The following TUBA3C variants were observed in gnomAD, a reference collection of about 807,000 sequenced individuals.
The protein encoded by TUBA3C is tubulin alpha 3c.
In TUBA3C, 23 loss-of-function variants were observed where a neutral mutation model predicts 33.4. The observed-to-expected ratio is 0.69, with a 90% CI of 0.50 to 0.98. The LOEUF is 0.98. TUBA3C is among the 50% of genes least tolerant of loss of function. The probability of loss-of-function intolerance (pLI) is 0.00; values close to 1 mark genes in which losing one functional copy is unlikely to be tolerated. For synonymous variants in TUBA3C, 269 were observed against 250.4 expected (o/e 1.07, Z -0.70); for missense variants, 402 against 616.0 (o/e 0.65, Z 3.68).
intron 4 of TUBA3C, among the ~76,000 whole-genome samples, chr13:19,174,876 T>C (rs1869125714): frequency 6.8e-6 from 1 of 147,828 alleles, no homozygotes; most frequent in Non-Finnish European, 1.5e-5. Context: ...GTGGGAGGAT[T>C]GCTTGAGCCT....
In TUBA3C at chr13:19,181,608, TG is replaced by T. The variant is rs1371185795; in HGVS notation, c.3+136del. On this transcript the variant is annotated intron_variant, in intron 1 of 4. Coordinates refer to ENST00000400113, the MANE Select transcript of TUBA3C (RefSeq NM_006001.3). Reference sequence around the variant, plus strand: ...GATGCCGTGTCCTCGTGTCCCGCCCTGGGCCCCGCATCCTTCTCTGACCTCC... The same window carrying T: ...GATGCCGTGTCCTCGTGTCCCGCCCTGGCCCCGCATCCTTCTCTGACCTCC... 3.2e-6 allele frequency: 4 copies of T among 1,269,000 alleles called. No individual in the cohort carries two copies. In the East Asian group the frequency reaches 9.8e-5, roughly 31 times the overall value. The allele number at this position is 1,269,000 out of a possible 1,614,324, so 78.6% of individuals were successfully genotyped here.
chr13:19,175,888 T>C (rs1164380523), intron 4 of TUBA3C, among the ~76,000 whole-genome samples: 1 of 152,102 alleles, frequency 6.6e-6, no homozygotes. Context: ...GGATTACAGG[T>C]GCCCGCCACC....
rs148856064 is a variant in TUBA3C, at chr13:19,181,297, G to A, written c.3+448C>T. Among the ~76,000 whole-genome samples the A allele has an allele frequency of 2.4e-3, 366 of 152,130 alleles. 1 individual carries two copies. Among genetic ancestry groups the A allele is most frequent in the East Asian group, 0.017 (89 of 5,120 alleles). The stretch of plus-strand genomic sequence containing the variant: ...AGCCCCTGACCTCAGGGGATTCCCC[G>A]CCTCCAACTCCCGTCTGAGCTTTAA... On this transcript the variant is annotated intron_variant, in intron 1 of 4. Transcript: ENST00000400113.
chr13:19,178,342 G>T lies in TUBA3C; in HGVS notation c.279C>A (p.Ile93=). The T allele has an allele frequency of 6.8e-6, 11 of 1,614,186 alleles. No homozygotes were observed. The highest frequency in any genetic ancestry group is 7.6e-6 in the Non-Finnish European group (9 of 1,180,040). ...YRQLFHPEQL[I]TGKEDAANNY... ...TATTGGCCGCATCTTCCTTCCCGGT[G>T]ATCAGCTGCTCTGGGTGGAAGAGCT... Residue 93 remains isoleucine, a synonymous_variant, in exon 3 of 5, where the codon ATC becomes ATA. Transcript: ENST00000400113.
At chr13:19,176,758 A>AAAAAAAAAAAAC (rs1869196961) in intron 4 of TUBA3C, among the ~76,000 whole-genome samples, 169 bp downstream of exon 4, 1 of 144,096 alleles carries the variant, frequency 6.9e-6, no homozygotes, top group Non-Finnish European at 1.5e-5. Flanking sequence ...AAAAAAAAAA[A>AAAAAAAAAAAAC]AGACATCACT....
rs189804649 is a variant in TUBA3C, at chr13:19,178,030, A to T, written c.375+216T>A. On this transcript the variant is annotated intron_variant, in intron 3 of 4. Coordinates refer to ENST00000400113, the MANE Select transcript of TUBA3C (RefSeq NM_006001.3). ...CCTGACTAATGTGTGTATTTTTAGT[A>T]AAGACAGGGTTTCACCACGTTGGCC... Among the ~76,000 whole-genome samples the T allele has an allele frequency of 4.9e-3, 739 of 152,194 alleles. 4 individuals carry two copies. The highest frequency in any genetic ancestry group is 7.0e-3 in the Non-Finnish European group (473 of 68,014).
chr13:19,176,612 G>A (rs2138954817), intron 4 of TUBA3C, among the ~76,000 whole-genome samples: 1 of 151,104 alleles, frequency 6.6e-6, no homozygotes, highest in South Asian at 2.1e-4. Context: ...AAATTAACTG[G>A]GTGTGGTGGT....
Position 19,173,937 on chromosome 13 carries a change from C to T in TUBA3C, c.1279G>A (p.Ala427Thr). The change falls in exon 5 of 5, where the codon GCT (alanine) becomes ACT (threonine). Residue 427 changes from alanine to threonine, a missense_variant. Physicochemically the swap from Ala to Thr is moderately conservative, Grantham distance 58. Transcript: ENST00000400113. ...ACCTCTTCATAATCCTTCTCCAGAG[C>T]TGCCAGGTCCTCGCGGGCCTCAGAG... ...EFSEAREDLA[A>T]LEKDYEEVGV... The T allele has an allele frequency of 6.2e-7, 1 of 1,614,120 alleles. No individual in the cohort carries two copies. Among genetic ancestry groups the T allele is most frequent in the Admixed American group, 1.7e-5 (1 of 60,022 alleles).
At chr13:19,181,702 C>G (rs377099027) in intron 1 of TUBA3C, 43 bp downstream of exon 1, 10 of 1,601,002 alleles carry the variant, frequency 6.2e-6, no homozygotes, top group Non-Finnish European at 8.5e-6. Context: ...TTCGTCCACC[C>G]TCCAGCCTGG....
intron 4 of TUBA3C, among the ~76,000 whole-genome samples, chr13:19,176,036 C>T (rs1426937829): frequency 1.3e-5 from 2 of 152,220 alleles, no homozygotes; most frequent in Admixed American, 1.3e-4. Context: ...GGCCACCATG[C>T]CCATCCAATT....
Position 19,176,943 on chromosome 13 carries a change from C to T in TUBA3C, c.1040G>A (p.Cys347Tyr). Residue 347 changes from cysteine (C) to tyrosine (Y), a missense_variant, in exon 4 of 5, where the codon TGC (cysteine) becomes TAC (tyrosine). Transcript: ENST00000400113. ...CAGTCATACCTTAAATCCAGTTGGG[C>T]ACCAATCTACAAACTGGATGGTGCG... is the stretch of plus-strand genomic sequence containing the variant. ...TKRTIQFVDWCPTGFKVGINY... is the reference protein window; with the variant it reads ...TKRTIQFVDWYPTGFKVGINY... The T allele has an allele frequency of 6.2e-7, 1 of 1,611,854 alleles. No homozygotes were observed.
At position 19,179,366 on chromosome 13, in the gene TUBA3C, A is replaced by G; in HGVS notation, c.201T>C (p.Phe67=). Reference sequence around the variant, plus strand: ...CGACCACAGTGGGCTCCAGGTCCACAAACACTGCTCTGGGCACGTGCTTGC... The same window carrying G: ...CGACCACAGTGGGCTCCAGGTCCACGAACACTGCTCTGGGCACGTGCTTGC... The part of the protein sequence containing the change: ...GAGKHVPRAV[F]VDLEPTVVDE... The change falls in exon 2 of 5, where the codon TTT becomes TTC. Residue 67 remains phenylalanine, a synonymous_variant. Transcript: ENST00000400113. The G allele has an allele frequency of 6.2e-7, 1 of 1,614,010 alleles. No homozygotes were observed. Among genetic ancestry groups the G allele is most frequent in the Non-Finnish European group, 8.5e-7 (1 of 1,179,876 alleles).
chr13:19,181,482 C>G (rs1262005539), intron 1 of TUBA3C, among the ~76,000 whole-genome samples: 1 of 152,138 alleles, frequency 6.6e-6, no homozygotes, highest in African/African-American at 2.4e-5. Context: ...CTCTGGGGGA[C>G]AGGACACGGT....
chr13:19,179,679 C>T, intron 1 of TUBA3C, 116 bp from the exon 2 acceptor site: 1 of 1,361,804 alleles, frequency 7.3e-7, no homozygotes, highest in Non-Finnish European at 9.8e-7. Context: ...GGTGCTTTCA[C>T]AATTGATATT....
Position 19,173,877 on chromosome 13 carries a change from C to G in TUBA3C, c.1339G>C (p.Gly447Arg). 1 of 1,613,430 alleles carries G rather than the reference C, an allele frequency of 6.2e-7. No individual in the cohort carries two copies. ...VDSVEAEAEE[G>R]EEY is the part of the protein sequence containing the mutation. ...ACACCCTCCCCTCAGTATTCTTCAC[C>G]TTCTTCAGCCTCGGCTTCCACGGAA... Residue 447 changes from glycine to arginine, a missense_variant, in exon 5 of 5, where the codon GGT becomes CGT. By Grantham distance (125) the Gly-to-Arg change is moderately radical. Transcript: ENST00000400113.
intron 4 of TUBA3C, 55 bp downstream of exon 4, chr13:19,176,872 C>T (rs894544310): frequency 2.3e-5 from 37 of 1,576,266 alleles, no homozygotes; most frequent in Non-Finnish European, 3.2e-5. Flanking sequence ...CAGCATTACT[C>T]TGTGTGTCTG....
rs2138956717 is a variant in TUBA3C, at chr13:19,177,909, T to C, written c.376-302A>G. Among the ~76,000 whole-genome samples, 1 of 149,456 alleles carries C rather than the reference T, an allele frequency of 6.7e-6. No homozygotes were observed. The highest frequency in any genetic ancestry group is 2.5e-5 in the African/African-American group (1 of 40,628). Reference sequence around the variant, plus strand: ...TTGCCCAGGCCGGAGGGCAGTGGCATGAACTCCGCTCAGTGCAACCTCTGC... The same window carrying C: ...TTGCCCAGGCCGGAGGGCAGTGGCACGAACTCCGCTCAGTGCAACCTCTGC... On this transcript the variant is annotated intron_variant, in intron 3 of 4. Transcript: ENST00000400113. This position sits in a 1 kb window ranked among gnomAD's most constrained non-coding sequence, Gnocchi z 5.0.
chr13:19,180,077 T>C (rs1300542755), intron 1 of TUBA3C, among the ~76,000 whole-genome samples: 2 of 152,214 alleles, frequency 1.3e-5, no homozygotes, highest in East Asian at 1.9e-4. Context: ...GGCTGACCCA[T>C]GAGGACAGCA....
chr13:19,174,001 C>T lies in TUBA3C; in HGVS notation c.1215G>A (p.Val405=). 1 of 1,612,660 alleles carries T rather than the reference C, an allele frequency of 6.2e-7. No homozygotes were observed. The highest frequency in any genetic ancestry group is 1.1e-5 in the South Asian group (1 of 91,046). ...CCATGCCTTCTCCCACGTACCAGTG[C>T]ACAAAGGCCCGCTTGGCATACATGA... ...FDLMYAKRAF[V]HWYVGEGMEE... Residue 405 remains valine (V), a synonymous_variant, in exon 5 of 5, where the codon GTG becomes GTA. Transcript: ENST00000400113.
Sources: gnomAD v4.1 joint callset for allele counts (sites outside exome capture counted in the v4.1 genomes callset) on GRCh38, gnomAD v4.1.1 for gene constraint, Gnocchi (gnomAD v3.1) non-coding constraint, MANE v1.5 for transcripts, NCBI Gene and HGNC (gene_info 2026-07-23, HGNC 2026-07-21) for gene names.